The following SIDT2 variants were observed in gnomAD, a reference collection of about 807,000 sequenced individuals.
The protein encoded by SIDT2 is SID1 transmembrane family member 2, also known as SID1 transmembrane family, member 2.
A neutral mutation model predicts 114.4 loss-of-function variants in SIDT2; 68 were observed. The ratio of observed to expected loss-of-function variants is 0.59; its 90% CI spans 0.49 to 0.73. The LOEUF (loss-of-function observed/expected upper bound fraction) is 0.73. SIDT2 is among the 30% of genes least tolerant of loss of function. The pLI is 0.00. For synonymous variants in SIDT2, 470 were observed against 438.4 expected (o/e 1.07, Z -0.90); for missense variants, 918 against 1,097.1 (o/e 0.84, Z 2.31).
chr11:117,190,170 T>C lies in SIDT2; in HGVS notation c.1498T>C (p.Phe500Leu), dbSNP rs760432106. 1 of 1,581,374 alleles carries C rather than the reference T, an allele frequency of 6.3e-7. No individual in the cohort carries two copies. Among genetic ancestry groups the C allele is most frequent in the Admixed American group, 1.8e-5 (1 of 55,896 alleles). Residue 500 changes from phenylalanine to leucine, a missense_variant, in exon 17 of 26, where the codon TTC becomes CTC. Phe to Leu is a conservative substitution (Grantham distance 22, BLOSUM62 0). Transcript: ENST00000324225. This position sits in a 1 kb window ranked among gnomAD's most constrained non-coding sequence, Gnocchi z 4.1. ...GCCTTGTGTTGCCCCTTCTAGCGCC[T>C]TCAACAACATCCTCAGCAACCTGGG... ...CAHPLGNLSA[F>L]NNILSNLGYI...
Position 117,189,932 on chromosome 11 carries a change from T to C in SIDT2, c.1420-20T>C. The C allele has an allele frequency of 6.2e-7, 1 of 1,613,520 alleles. No individual in the cohort carries two copies. Among genetic ancestry groups the C allele is most frequent in the Non-Finnish European group, 8.5e-7 (1 of 1,179,522 alleles). Reference sequence around the variant, plus strand: ...TGGGCGTGACGACAGACCCACTCCCTGTCCCTGCTCCTGCTACAGGTGGTG... The same window carrying C: ...TGGGCGTGACGACAGACCCACTCCCCGTCCCTGCTCCTGCTACAGGTGGTG... On this transcript the variant is annotated intron_variant, in intron 15 of 25. Transcript: ENST00000324225.
Position 117,190,888 on chromosome 11 carries a change from C to T in SIDT2, c.1735+148C>T. 3.2e-6 allele frequency: 2 copies of T among 626,850 alleles called. No individual in the cohort carries two copies. Among genetic ancestry groups the T allele is most frequent in the South Asian group, 1.9e-5 (1 of 52,580 alleles). The allele number at this position is 626,850 out of a possible 1,614,324, so 38.8% of individuals were successfully genotyped here. ...GTGCCTGGGTGTGCACACATCCTAGCCTATGGAACATGGGCACCTAGATGC... is the reference window on the plus strand; with the variant it reads ...GTGCCTGGGTGTGCACACATCCTAGTCTATGGAACATGGGCACCTAGATGC... On this transcript the variant is annotated intron_variant, in intron 18 of 25. Transcript: ENST00000324225. The surrounding 1 kb of genome is among the most constrained non-coding windows in gnomAD (Gnocchi z 4.1).
intron 24 of SIDT2, among the ~76,000 whole-genome samples, chr11:117,195,105 A>AAAT (rs2030849964): frequency 2.9e-5 from 4 of 137,792 alleles, no homozygotes; most frequent in Non-Finnish European, 6.2e-5. Flanking sequence ...AAAAAAAAAA[A>AAAT]AAAAAAAAAG....
intron 10 of SIDT2, chr11:117,187,126 G>A (rs902952796): frequency 1.5e-6 from 2 of 1,297,042 alleles, no homozygotes; most frequent in African/African-American, 1.5e-5. Flanking sequence ...TAACTTAGAT[G>A]TGCCTGTTCT....
At chr11:117,184,274 C>T (rs1196195213) in intron 8 of SIDT2, 135 bp downstream of exon 8, 5 of 804,702 alleles carry the variant, frequency 6.2e-6, no homozygotes, top group African/African-American at 5.1e-5. Flanking sequence ...GGGGAGTGTT[C>T]TTGGCAGGCT....
At position 117,195,584 on chromosome 11, in the gene SIDT2, A is replaced by G. The variant is rs574001919; in HGVS notation, c.2323-218A>G. ...AAGGAGGAGGGTAAGAGTGAAAGAA[A>G]AGGGAAGAGAAGCCAGTGAACTCAG... On this transcript the variant is annotated intron_variant, in intron 24 of 25. Transcript: ENST00000324225. Among the ~76,000 whole-genome samples the G allele has an allele frequency of 2.0e-5, 3 of 152,262 alleles. No individual in the cohort carries two copies. In the South Asian group the frequency reaches 6.2e-4, roughly 32 times the overall value.
Position 117,189,026 on chromosome 11 carries a change from G to A in SIDT2, c.1279-143G>A, listed in dbSNP as rs1490029353. On this transcript the variant is annotated intron_variant, in intron 13 of 25. Transcript: ENST00000324225. ...TTGGCCAAACCCTCTTGGTCTAAGCGGCCGCAGCAGTGGGATGTCCTTGAA... is the reference window on the plus strand; with the variant it reads ...TTGGCCAAACCCTCTTGGTCTAAGCAGCCGCAGCAGTGGGATGTCCTTGAA... The A allele has an allele frequency of 1.3e-5, 13 of 1,009,928 alleles. No homozygotes were observed. In the East Asian group the frequency reaches 1.4e-4, roughly 11 times the overall value. The allele number at this position is 1,009,928 out of a possible 1,614,324, so 62.6% of individuals were successfully genotyped here. A position where few individuals can be genotyped will look rare whatever the true frequency, so the allele number is the denominator to read the frequency against.
chr11:117,193,801 G>A (rs1052696939), intron 23 of SIDT2, 52 bp from the exon 24 acceptor site: 3 of 1,355,416 alleles, frequency 2.2e-6, no homozygotes, highest in Admixed American at 1.7e-5. Context: ...GGGACAGCGG[G>A]GTGGGACAGG....
chr11:117,181,331 A>G (rs1372056112), intron 1 of SIDT2, 85 bp from the exon 2 acceptor site: 2 of 1,543,722 alleles, frequency 1.3e-6, no homozygotes, highest in Non-Finnish European at 1.7e-6. Flanking sequence ...AGTAGCTGGC[A>G]TGAAGGAGGG....
Position 117,188,267 on chromosome 11 carries a change from GCT to G in SIDT2, c.1160-438_1160-437del, listed in dbSNP as rs1362729516. 1 of 322,874 alleles carries G rather than the reference GCT, an allele frequency of 3.1e-6. No homozygotes were observed. The highest frequency in any genetic ancestry group is 6.0e-6 in the Non-Finnish European group (1 of 165,700). The allele number at this position is 322,874 out of a possible 1,614,324, so 20.0% of individuals were successfully genotyped here. The stretch of plus-strand genomic sequence containing the variant: ...TCTGGCCTCTGGATAAAGGAGAAAT[GCT>G]CTTTCTGCACCCCAGGCCCACTGGG... On this transcript the variant is annotated intron_variant, in intron 12 of 25. Coordinates refer to ENST00000324225, the MANE Select transcript of SIDT2 (RefSeq NM_001040455.2). The surrounding 1 kb of genome is among the most constrained non-coding windows in gnomAD (Gnocchi z 4.0).
intron 1 of SIDT2, 34 bp downstream of exon 1, chr11:117,179,480 T>C (rs757604024): frequency 3.1e-6 from 5 of 1,591,064 alleles, no homozygotes; most frequent in South Asian, 1.1e-5. Flanking sequence ...CAGAGGCGAG[T>C]GGGGAAGCCG....
chr11:117,186,683 T>C, intron 10 of SIDT2, 47 bp downstream of exon 10: 1 of 1,469,756 alleles, frequency 6.8e-7, no homozygotes, highest in Non-Finnish European at 9.1e-7. Context: ...TGCTTTGTGT[T>C]TTGGGGGGTG....
chr11:117,181,987 TGA>T lies in SIDT2; in HGVS notation c.470+18_470+19del, dbSNP rs754589020. On this transcript the variant is annotated intron_variant, in intron 3 of 25. Transcript: ENST00000324225. ...TTGTGCTCAGGTCTGCAGGGTAGAG[TGA>T]GGGGACCACGGGGGCTGGTTCTTCC... 21 of 1,613,806 alleles carry T rather than the reference TGA, an allele frequency of 1.3e-5. No homozygotes were observed. The South Asian group carries it at 2.3e-4, about 18-fold the overall frequency.
Position 117,193,846 on chromosome 11 carries a change from C to G in SIDT2, c.2212-7C>G. ...TCAGACTGCTGTCCCTGCCTGGCCCCTCCCAGCTCCGGAGTGGGGAGAGGA... is the reference window on the plus strand; with the variant it reads ...TCAGACTGCTGTCCCTGCCTGGCCCGTCCCAGCTCCGGAGTGGGGAGAGGA... On this transcript the variant is annotated splice_polypyrimidine_tract_variant and splice_region_variant and intron_variant, in intron 23 of 25. Transcript: ENST00000324225. The G allele has an allele frequency of 6.2e-7, 1 of 1,612,356 alleles. No homozygotes were observed. The highest frequency in any genetic ancestry group is 8.5e-7 in the Non-Finnish European group (1 of 1,178,616).
rs1482928127 is a variant in SIDT2, at chr11:117,187,412, C to A, written c.1050C>A (p.Gly350=). Residue 350 remains glycine, a synonymous_variant, in exon 11 of 26, where the codon GGC becomes GGA. Coordinates refer to ENST00000324225, the MANE Select transcript of SIDT2 (RefSeq NM_001040455.2). ...GAGTCCTGGCTGATTCTTTTCCTGG[C>A]AGTTCCCCTTATGAGGGTTACAACT... ...HPRVLADSFP[G]SSPYEGYNYG... 6 of 1,614,114 alleles carry A rather than the reference C, an allele frequency of 3.7e-6. No homozygotes were observed. Among genetic ancestry groups the A allele is most frequent in the African/African-American group, 1.3e-5 (1 of 75,032 alleles).
chr11:117,192,422 A>G lies in SIDT2; in HGVS notation c.1981+60A>G. 2 of 1,399,280 alleles carry G rather than the reference A, an allele frequency of 1.4e-6. No homozygotes were observed. Among genetic ancestry groups the G allele is most frequent in the Admixed American group, 1.7e-5 (1 of 59,528 alleles). The allele number at this position is 1,399,280 out of a possible 1,614,324, so 86.7% of individuals were successfully genotyped here. ...GGTCTGGGGGGCCTTGGGAACCCGG[A>G]CGCACGGGAGACGCTCAGGTTCTGT... is the stretch of plus-strand genomic sequence containing the variant. On this transcript the variant is annotated intron_variant, in intron 20 of 25. Coordinates refer to ENST00000324225, the MANE Select transcript of SIDT2 (RefSeq NM_001040455.2). This position sits in a 1 kb window ranked among gnomAD's most constrained non-coding sequence, Gnocchi z 5.9.
At chr11:117,183,963 G>A in intron 7 of SIDT2, 85 bp downstream of exon 7, 3 of 1,504,970 alleles carry the variant, frequency 2.0e-6, no homozygotes, top group South Asian at 1.1e-5. Flanking sequence ...TGGCTGATTG[G>A]TGGACCTGAT....
Position 117,192,425 on chromosome 11 carries a change from C to A in SIDT2, c.1981+63C>A. On this transcript the variant is annotated intron_variant, in intron 20 of 25. Transcript: ENST00000324225. This position sits in a 1 kb window ranked among gnomAD's most constrained non-coding sequence, Gnocchi z 5.9. ...CTGGGGGGCCTTGGGAACCCGGACGCACGGGAGACGCTCAGGTTCTGTCTT... is the reference window on the plus strand; with the variant it reads ...CTGGGGGGCCTTGGGAACCCGGACGAACGGGAGACGCTCAGGTTCTGTCTT... 1 of 1,391,274 alleles carries A rather than the reference C, an allele frequency of 7.2e-7. No homozygotes were observed. The highest frequency in any genetic ancestry group is 1.0e-6 in the Non-Finnish European group (1 of 985,494). The allele number at this position is 1,391,274 out of a possible 1,614,324, so 86.2% of individuals were successfully genotyped here.
chr11:117,192,957 A>G lies in SIDT2; in HGVS notation c.2105+91A>G. 2 of 1,534,904 alleles carry G rather than the reference A, an allele frequency of 1.3e-6. No individual in the cohort carries two copies. The highest frequency in any genetic ancestry group is 2.2e-5 in the South Asian group (2 of 89,462). The stretch of plus-strand genomic sequence containing the variant: ...GCCTTGGGGGCTAAGGACAACTTCC[A>G]AATGTTGGGCATAAGACATGGGGGC... On this transcript the variant is annotated intron_variant, in intron 22 of 25. Transcript: ENST00000324225. This position sits in a 1 kb window ranked among gnomAD's most constrained non-coding sequence, Gnocchi z 5.9.
Sources: gnomAD v4.1 joint callset for allele counts (sites outside exome capture counted in the v4.1 genomes callset) on GRCh38, gnomAD v4.1.1 for gene constraint, Gnocchi (gnomAD v3.1) non-coding constraint, MANE v1.5 for transcripts, NCBI Gene and HGNC (gene_info 2026-07-23, HGNC 2026-07-21) for gene names.